The following HPSE2 variants were observed in gnomAD, a reference collection of about 807,000 sequenced individuals.
HPSE2 encodes inactive heparanase-2.
Under a neutral mutation model 60.5 loss-of-function variants are expected in HPSE2, and 38 were observed. The observed-to-expected ratio is 0.63, with a 90% CI of 0.48 to 0.82. The LOEUF (loss-of-function observed/expected upper bound fraction) is 0.82. Among genes scored for constraint, HPSE2 ranks in the 40% least tolerant of loss-of-function variants. The probability of loss-of-function intolerance (pLI) is 0.00; values close to 1 mark genes in which losing one functional copy is unlikely to be tolerated. For synonymous variants in HPSE2, 295 were observed against 293.2 expected (o/e 1.01, Z -0.06); for missense variants, 713 against 740.4 (o/e 0.96, Z 0.43).
At chr10:98,860,350 G>A (rs903571154) in intron 3 of HPSE2, among the ~76,000 whole-genome samples, 2 of 152,108 alleles carry the variant, frequency 1.3e-5, no homozygotes, top group African/African-American at 4.8e-5. Context: ...AGCTGTGGAA[G>A]CTTTGAATAT....
chr10:98,930,116 C>G (rs1346134330), intron 3 of HPSE2, among the ~76,000 whole-genome samples: 1 of 141,744 alleles, frequency 7.1e-6, no homozygotes, highest in East Asian at 2.0e-4. Context: ...TGCATCAGCT[C>G]TTTTCTCTAA....
chr10:99,293,611 T>A, the HPSE2 span, among the ~76,000 whole-genome samples: 1 of 152,140 alleles, frequency 6.6e-6, no homozygotes, highest in African/African-American at 2.4e-5. Context: ...ACATAACTGA[T>A]TTTTACAGCT....
At chr10:98,689,762 G>A (rs76217508) in intron 6 of HPSE2, among the ~76,000 whole-genome samples, 3 of 152,254 alleles carry the variant, frequency 2.0e-5, no homozygotes, top group African/African-American at 7.2e-5. Flanking sequence ...TGATCTTCTT[G>A]TTCTTGTGAA....
intron 3 of HPSE2, among the ~76,000 whole-genome samples, chr10:98,976,439 G>C (rs778403742): frequency 6.6e-6 from 1 of 152,090 alleles, no homozygotes; most frequent in Admixed American, 6.6e-5. Flanking sequence ...TAAATGATGG[G>C]GATAGGATGA....
At chr10:98,727,107 G>C (rs112121534) in intron 4 of HPSE2, among the ~76,000 whole-genome samples, 7 of 152,214 alleles carry the variant, frequency 4.6e-5, no homozygotes, top group African/African-American at 1.4e-4. Flanking sequence ...AAACTTAAGA[G>C]ATATCAGTAG....
chr10:99,086,346 C>CTTTTTTTTTTTTTTTTTTTTTTTTTTTT, intron 3 of HPSE2, among the ~76,000 whole-genome samples: 1 of 83,008 alleles, frequency 1.2e-5, no homozygotes, highest in Non-Finnish European at 2.2e-5. Flanking sequence ...AAAGTACTTT[C>CTTTTTTTTTTTTTTTTTTTTTTTTTTTT]TTTTTTTTTT....
chr10:98,791,758 G>C (rs1331750422), intron 3 of HPSE2, among the ~76,000 whole-genome samples: 1 of 152,018 alleles, frequency 6.6e-6, no homozygotes, highest in Non-Finnish European at 1.5e-5. Flanking sequence ...TTGAATAAAG[G>C]TCTATAGAGA....
intron 9 of HPSE2, among the ~76,000 whole-genome samples, chr10:98,538,308 G>A (rs1234114311): frequency 6.6e-6 from 1 of 152,136 alleles, no homozygotes; most frequent in Admixed American, 6.5e-5. Flanking sequence ...GACCCTACAT[G>A]TGAGTGACAA....
At chr10:98,849,960 C>T (rs1349110559) in intron 3 of HPSE2, among the ~76,000 whole-genome samples, 1 of 152,088 alleles carries the variant, frequency 6.6e-6, no homozygotes, top group Non-Finnish European at 1.5e-5. Context: ...GTCAGGCTGG[C>T]CTTGAACTCC....
chr10:99,056,341 G>A (rs556693510), intron 3 of HPSE2, among the ~76,000 whole-genome samples: 1 of 152,182 alleles, frequency 6.6e-6, no homozygotes, highest in African/African-American at 2.4e-5. Flanking sequence ...AACTTCAGGT[G>A]CAATTGGGTT....
At chr10:98,577,160 A>T (rs1261642354) in intron 9 of HPSE2, among the ~76,000 whole-genome samples, 1 of 152,062 alleles carries the variant, frequency 6.6e-6, no homozygotes, top group Non-Finnish European at 1.5e-5. Context: ...GAGAATGGAA[A>T]CCATCCACAG....
At chr10:99,070,262 C>T (rs902277074) in intron 3 of HPSE2, among the ~76,000 whole-genome samples, 2 of 152,102 alleles carry the variant, frequency 1.3e-5, no homozygotes, top group African/African-American at 4.8e-5. Context: ...ACTCTCAAAA[C>T]TCAATAATTA....
intron 2 of HPSE2, among the ~76,000 whole-genome samples, chr10:99,184,152 T>C (rs576574597): frequency 1.3e-5 from 2 of 152,204 alleles, no homozygotes; most frequent in African/African-American, 2.4e-5. Context: ...CAGGAAAATA[T>C]GATCCATAAA....
intron 2 of HPSE2, among the ~76,000 whole-genome samples, chr10:99,190,613 T>C (rs1181473464): frequency 1.3e-5 from 2 of 152,194 alleles, no homozygotes; most frequent in Non-Finnish European, 2.9e-5. Context: ...TCTCAAAGCA[T>C]GTTCTATGGA....
At chr10:99,010,237 T>TGTG (rs1334479855) in intron 3 of HPSE2, among the ~76,000 whole-genome samples, 1 of 152,214 alleles carries the variant, frequency 6.6e-6, no homozygotes, top group African/African-American at 2.4e-5. Flanking sequence ...TTATTTTCTA[T>TGTG]TTTTTTATCT....
chr10:99,187,639 T>C (rs1342574), intron 2 of HPSE2, among the ~76,000 whole-genome samples: 131,001 of 152,212 alleles, frequency 0.86, 57,538 homozygotes, highest in South Asian at 0.97. Context: ...TAAAACAATG[T>C]TCATTATCAT....
chr10:98,653,000 C>G (rs1428098201), intron 6 of HPSE2, among the ~76,000 whole-genome samples: 2 of 152,170 alleles, frequency 1.3e-5, no homozygotes, highest in African/African-American at 2.4e-5. Context: ...TGGCTAATAA[C>G]TAATTGGATT....
At chr10:99,268,419 G>A in the HPSE2 span, among the ~76,000 whole-genome samples, 1 of 152,058 alleles carries the variant, frequency 6.6e-6, no homozygotes, top group East Asian at 1.9e-4. Context: ...TGAGCTGGGT[G>A]GATCATGAGG....
intron 9 of HPSE2, among the ~76,000 whole-genome samples, chr10:98,524,903 ACTTTT>A (rs1942914340): frequency 6.6e-6 from 1 of 152,256 alleles, no homozygotes; most frequent in African/African-American, 2.4e-5. Context: ...TAAAATTTTA[ACTTTT>A]CTTTACGTAG....
Sources: gnomAD v4.1 joint callset for allele counts (sites outside exome capture counted in the v4.1 genomes callset) on GRCh38, gnomAD v4.1.1 for gene constraint, MANE v1.5 for transcripts, NCBI Gene and HGNC (gene_info 2026-07-23, HGNC 2026-07-21) for gene names.